The following TMEM163 variants were observed in gnomAD, a reference collection of about 807,000 sequenced individuals.
The protein encoded by TMEM163 is transmembrane protein 163.
TMEM163 carries 17 observed loss-of-function variants against 29.3 expected under a neutral mutation model. The observed-to-expected ratio is 0.58, with a 90% confidence interval of 0.40 to 0.87. The LOEUF (loss-of-function observed/expected upper bound fraction) is 0.87. Among genes scored for constraint, TMEM163 ranks in the 40% least tolerant of loss-of-function variants. TMEM163 has a pLI of 0.00. For synonymous variants in TMEM163, 157 were observed against 160.6 expected, an observed-to-expected ratio of 0.98 and a Z score of 0.17; for missense variants, 303 against 381.5, an observed-to-expected ratio of 0.79 and a Z score of 1.71.
rs559659667 is a variant in TMEM163, at chr2:134,601,385, C to T, written c.323-49294G>A. On this transcript the variant is annotated intron_variant, in intron 2 of 7. Transcript: ENST00000281924. ...ACAAGAAACGATCGTGGGATCGGAA[C>T]GACATCGCCAGCGATCCATCTGGCA... 1.4e-4 allele frequency among the ~76,000 whole-genome samples: 22 copies of T among 152,256 alleles called. No homozygotes were observed. The South Asian group carries it at 3.9e-3, about 27-fold the overall frequency.
intron 2 of TMEM163, among the ~76,000 whole-genome samples, chr2:134,684,767 T>C (rs1052519844): frequency 1.3e-5 from 2 of 151,734 alleles, no homozygotes; most frequent in Non-Finnish European, 2.9e-5. Context: ...CTACTAAAAA[T>C]ACAAAAATTT....
chr2:134,546,219 G>T (rs973389765), intron 4 of TMEM163, among the ~76,000 whole-genome samples: 1 of 152,228 alleles, frequency 6.6e-6, no homozygotes, highest in Admixed American at 6.5e-5. Context: ...TTATCCTAAA[G>T]AATTGGAAGC....
chr2:134,459,484 A>AACAAGGGCTGG (rs1558909262), intron 6 of TMEM163, among the ~76,000 whole-genome samples: 1 of 92,622 alleles, frequency 1.1e-5, no homozygotes, highest in African/African-American at 5.5e-5. Context: ...TCCTTCCCAG[A>AACAAGGGCTGG]TTGGATTGGA....
At chr2:134,563,763 A>G (rs1412500523) in intron 2 of TMEM163, among the ~76,000 whole-genome samples, 2 of 152,230 alleles carry the variant, frequency 1.3e-5, no homozygotes, top group Non-Finnish European at 2.9e-5. Context: ...AATCAGGAAT[A>G]GCCAAGACAG....
chr2:134,651,309 T>C (rs1226831648), intron 2 of TMEM163, among the ~76,000 whole-genome samples: 1 of 140,836 alleles, frequency 7.1e-6, no homozygotes, highest in Non-Finnish European at 1.5e-5. Flanking sequence ...GATGAGCATT[T>C]TTTCATGTGT....
intron 5 of TMEM163, among the ~76,000 whole-genome samples, chr2:134,501,131 T>TA (rs539473389): frequency 6.6e-6 from 1 of 152,064 alleles, no homozygotes; most frequent in African/African-American, 2.4e-5. Flanking sequence ...ATTGTCAATT[T>TA]AAAAAAATAA....
chr2:134,478,348 G>A (rs1412413883), intron 5 of TMEM163, among the ~76,000 whole-genome samples: 2 of 152,206 alleles, frequency 1.3e-5, no homozygotes, highest in African/African-American at 4.8e-5. Context: ...AAGACTAGAA[G>A]GGAAAGTTTG....
chr2:134,653,021 T>C (rs1465381084), intron 2 of TMEM163, among the ~76,000 whole-genome samples: 1 of 132,938 alleles, frequency 7.5e-6, no homozygotes, highest in Non-Finnish European at 1.5e-5. Flanking sequence ...TTTGGTTGTG[T>C]CTCTGCCCGG....
At chr2:134,700,669 C>T (rs1359296444) in intron 2 of TMEM163, among the ~76,000 whole-genome samples, 1 of 151,998 alleles carries the variant, frequency 6.6e-6, no homozygotes, top group African/African-American at 2.4e-5. Flanking sequence ...GAGGCTAAGG[C>T]GGGCGGATGA....
At chr2:134,522,140 T>A (rs1395972996) in intron 4 of TMEM163, among the ~76,000 whole-genome samples, 2 of 147,600 alleles carry the variant, frequency 1.4e-5, no homozygotes, top group East Asian at 3.9e-4. Flanking sequence ...GACTCAGGAG[T>A]CTTTATAAGC....
At chr2:134,551,465 G>A (rs1473827198) in intron 3 of TMEM163, among the ~76,000 whole-genome samples, 1 of 152,184 alleles carries the variant, frequency 6.6e-6, no homozygotes, top group Non-Finnish European at 1.5e-5. Context: ...GGGTTGAGAA[G>A]AGCTCTCTTT....
At chr2:134,605,579 T>C (rs565646930) in intron 2 of TMEM163, among the ~76,000 whole-genome samples, 9 of 152,004 alleles carry the variant, frequency 5.9e-5, no homozygotes, top group African/African-American at 2.2e-4. Flanking sequence ...GCGCCTGTAA[T>C]CCCAGCTATT....
At chr2:134,614,184 T>C (rs1484675689) in intron 2 of TMEM163, among the ~76,000 whole-genome samples, 1 of 152,116 alleles carries the variant, frequency 6.6e-6, no homozygotes, top group East Asian at 1.9e-4. Context: ...ATATGTTCAA[T>C]TATTTCTGAC....
chr2:134,547,150 T>C (rs1001266916), intron 4 of TMEM163, among the ~76,000 whole-genome samples: 11 of 152,216 alleles, frequency 7.2e-5, no homozygotes, highest in African/African-American at 2.4e-4. Flanking sequence ...TACTGAACCG[T>C]ATACTTAAAA....
At chr2:134,688,251 A>G (rs1449961911) in intron 2 of TMEM163, among the ~76,000 whole-genome samples, 3 of 152,204 alleles carry the variant, frequency 2.0e-5, no homozygotes, top group Non-Finnish European at 4.4e-5. Context: ...ATCTTGAGAA[A>G]TAAGTTTCTT....
At chr2:134,522,038 CCTT>C (rs1680201300) in intron 4 of TMEM163, among the ~76,000 whole-genome samples, 1 of 152,194 alleles carries the variant, frequency 6.6e-6, no homozygotes. Flanking sequence ...TTTCTCATCT[CCTT>C]CTGTCCGTTT....
intron 2 of TMEM163, among the ~76,000 whole-genome samples, chr2:134,620,257 CT>C (rs373805175): frequency 0.022 from 3,094 of 137,782 alleles, 44 homozygotes; most frequent in South Asian, 0.066. Flanking sequence ...TATCTAATTT[CT>C]TTTTTTTTTT....
At chr2:134,466,486 C>T in intron 5 of TMEM163, 1 of 405,218 alleles carries the variant, frequency 2.5e-6, no homozygotes, top group East Asian at 5.1e-5. Context: ...ATTGACCTCC[C>T]CACTATTCTG....
intron 4 of TMEM163, among the ~76,000 whole-genome samples, chr2:134,511,125 A>G (rs1310545175): frequency 7.0e-6 from 1 of 141,906 alleles, no homozygotes; most frequent in Non-Finnish European, 1.5e-5. Flanking sequence ...ATATACAGAG[A>G]CAAAGCAGAA....
Sources: allele counts gnomAD v4.1 joint callset (sites outside exome capture counted in the v4.1 genomes callset), GRCh38; gene constraint gnomAD v4.1.1; transcripts MANE v1.5; gene names NCBI Gene and HGNC (gene_info 2026-07-23, HGNC 2026-07-21).